Variants in KCNIP4 observed in about 807,000 individuals in gnomAD.
KCNIP4 encodes the protein Kv channel-interacting protein 4.
In KCNIP4, 12 loss-of-function variants were observed where a neutral mutation model predicts 34.0. That is an observed-to-expected ratio of 0.35 (90% CI 0.23 to 0.57). KCNIP4 has a LOEUF of 0.57. KCNIP4 is among the 20% of genes least tolerant of loss of function. KCNIP4 has a pLI of 0.83. For synonymous variants in KCNIP4, 124 were observed against 102.2 expected (o/e 1.21, Z -1.29); for missense variants, 238 against 311.7 (o/e 0.76, Z 1.78).
chr4:21,807,112 GCACAGTT>G (rs1721344135), intron 1 of KCNIP4, among the ~76,000 whole-genome samples: 1 of 152,024 alleles, frequency 6.6e-6, no homozygotes, highest in Admixed American at 6.6e-5. Context: ...CCCTTCACAT[GCACAGTT>G]CACACTAGGG....
intron 1 of KCNIP4, among the ~76,000 whole-genome samples, chr4:21,084,523 G>C (rs1746255304): frequency 6.7e-6 from 1 of 148,394 alleles, no homozygotes; most frequent in Non-Finnish European, 1.5e-5. Context: ...GCTTCTCAGT[G>C]TGTATCCTTT....
intron 1 of KCNIP4, among the ~76,000 whole-genome samples, chr4:21,303,109 A>G (rs1711938829): frequency 6.6e-6 from 1 of 152,226 alleles, no homozygotes; most frequent in South Asian, 2.1e-4. Context: ...AGGAAACAAT[A>G]AGGACAAATA....
chr4:21,178,376 T>C (rs1188321061), intron 1 of KCNIP4, among the ~76,000 whole-genome samples: 1 of 152,198 alleles, frequency 6.6e-6, no homozygotes, highest in Non-Finnish European at 1.5e-5. Context: ...TCTAGAGCAT[T>C]GCTTTTCAAA....
chr4:21,665,027 T>C (rs1199150142), intron 1 of KCNIP4, among the ~76,000 whole-genome samples: 1 of 152,222 alleles, frequency 6.6e-6, no homozygotes, highest in African/African-American at 2.4e-5. Context: ...ACATGATCTA[T>C]TAATGGCTAT....
intron 1 of KCNIP4, among the ~76,000 whole-genome samples, chr4:21,724,711 C>T (rs1013271532): frequency 6.6e-6 from 1 of 151,970 alleles, no homozygotes; most frequent in African/African-American, 2.4e-5. Context: ...TAAATACATG[C>T]ACTTTACACA....
chr4:21,382,820 A>G (rs1319855843), intron 1 of KCNIP4, among the ~76,000 whole-genome samples: 1 of 152,214 alleles, frequency 6.6e-6, no homozygotes, highest in African/African-American at 2.4e-5. Flanking sequence ...TTAAAACCTT[A>G]AAGATAAAAT....
chr4:20,904,099 T>A (rs1727457987), intron 1 of KCNIP4, among the ~76,000 whole-genome samples: 1 of 151,796 alleles, frequency 6.6e-6, no homozygotes, highest in Admixed American at 6.6e-5. Flanking sequence ...GCCTTAAGAG[T>A]AAAAAGTGAA....
intron 1 of KCNIP4, among the ~76,000 whole-genome samples, chr4:21,421,010 T>C (rs902429122): frequency 1.3e-5 from 2 of 152,122 alleles, no homozygotes; most frequent in Non-Finnish European, 2.9e-5. Context: ...AAAGAAGACA[T>C]ACAAATGGCC....
chr4:21,701,634 A>T (rs1244354829), intron 1 of KCNIP4, among the ~76,000 whole-genome samples: 1 of 152,198 alleles, frequency 6.6e-6, no homozygotes, highest in Non-Finnish European at 1.5e-5. Context: ...TAGATATATT[A>T]GAATGTAGAT....
chr4:21,499,570 C>G (rs1350105796), intron 1 of KCNIP4, among the ~76,000 whole-genome samples: 3 of 151,744 alleles, frequency 2.0e-5, no homozygotes, highest in Non-Finnish European at 4.4e-5. Flanking sequence ...TTCTTCTTCT[C>G]CAACAGAAAT....
At chr4:21,737,821 A>G (rs1305019877) in intron 1 of KCNIP4, among the ~76,000 whole-genome samples, 1 of 152,168 alleles carries the variant, frequency 6.6e-6, no homozygotes, top group Non-Finnish European at 1.5e-5. Flanking sequence ...ATGGTGGCTC[A>G]TGCCTATAAT....
intron 3 of KCNIP4, among the ~76,000 whole-genome samples, chr4:20,837,060 G>C (rs370642243): frequency 7.9e-5 from 12 of 152,218 alleles, no homozygotes; most frequent in African/African-American, 2.6e-4. Flanking sequence ...GTTGGTGCTC[G>C]ATGCTTAATA....
At chr4:20,912,775 G>A (rs1171828976) in intron 1 of KCNIP4, among the ~76,000 whole-genome samples, 1 of 152,114 alleles carries the variant, frequency 6.6e-6, no homozygotes, top group African/African-American at 2.4e-5. Context: ...ATAAGCACCT[G>A]TAAGGATGCT....
chr4:21,167,259 A>G (rs1287362070), intron 1 of KCNIP4, among the ~76,000 whole-genome samples: 1 of 152,184 alleles, frequency 6.6e-6, no homozygotes, highest in Admixed American at 6.5e-5. Flanking sequence ...ATAGATATAT[A>G]TGTTCACTAC....
chr4:21,877,050 G>A (rs1332390916), intron 1 of KCNIP4, among the ~76,000 whole-genome samples: 1 of 151,944 alleles, frequency 6.6e-6, no homozygotes, highest in Non-Finnish European at 1.5e-5. Context: ...TTTAAAAATA[G>A]GTCCATTAAA....
chr4:21,671,844 CA>C (rs1057228785), intron 1 of KCNIP4, among the ~76,000 whole-genome samples: 90 of 152,164 alleles, frequency 5.9e-4, no homozygotes, highest in African/African-American at 2.1e-3. Flanking sequence ...GTTAGATACC[CA>C]AAAAATTGAA....
intron 1 of KCNIP4, among the ~76,000 whole-genome samples, chr4:21,045,988 G>C (rs1742392488): frequency 6.6e-6 from 1 of 152,168 alleles, no homozygotes; most frequent in Non-Finnish European, 1.5e-5. Context: ...TTAAATAGGA[G>C]AATGGGAAAT....
chr4:21,515,433 T>A (rs1324665337), intron 1 of KCNIP4, among the ~76,000 whole-genome samples: 3 of 151,954 alleles, frequency 2.0e-5, no homozygotes, highest in Non-Finnish European at 4.4e-5. Flanking sequence ...GGTCAGGAAA[T>A]CGAGACCATC....
At chr4:21,427,363 C>A (rs1475901079) in intron 1 of KCNIP4, among the ~76,000 whole-genome samples, 23 of 151,000 alleles carry the variant, frequency 1.5e-4, no homozygotes, top group Admixed American at 1.5e-3. Flanking sequence ...TATTTCCAAA[C>A]CTTCAGTGAA....
Sources: gnomAD v4.1 joint callset for allele counts (sites outside exome capture counted in the v4.1 genomes callset) on GRCh38, gnomAD v4.1.1 for gene constraint, MANE v1.5 for transcripts, NCBI Gene and HGNC (gene_info 2026-07-23, HGNC 2026-07-21) for gene names.